Variants in PLEKHA7 observed in about 807,000 individuals in gnomAD.
PLEKHA7 encodes the protein pleckstrin homology domain containing A7, also known as pleckstrin homology domain-containing family A member 7.
A neutral mutation model predicts 170.0 loss-of-function variants in PLEKHA7; 104 were observed. The observed-to-expected ratio is 0.61, with a 90% confidence interval of 0.52 to 0.72. The LOEUF is 0.72. Among genes scored for constraint, PLEKHA7 ranks in the 30% least tolerant of loss-of-function variants. The probability of loss-of-function intolerance (pLI) is 0.00; values close to 1 mark genes in which losing one functional copy is unlikely to be tolerated. For synonymous variants in PLEKHA7, 648 were observed against 660.8 expected (o/e 0.98, Z 0.30); for missense variants, 1,615 against 1,671.7 (o/e 0.97, Z 0.59).
chr11:16,939,376 TG>T (rs1860524461), intron 3 of PLEKHA7, among the ~76,000 whole-genome samples: 2 of 152,038 alleles, frequency 1.3e-5, no homozygotes, highest in African/African-American at 4.8e-5. Flanking sequence ...ATCGTGCCAC[TG>T]CACTCCAGCC....
intron 4 of PLEKHA7, among the ~76,000 whole-genome samples, chr11:16,870,207 G>A (rs1026371936): frequency 2.0e-5 from 3 of 152,080 alleles, no homozygotes; most frequent in Admixed American, 2.0e-4. Flanking sequence ...GGGACGATGG[G>A]GATTACCAGC....
At chr11:16,806,475 A>G (rs76079015) in intron 13 of PLEKHA7, among the ~76,000 whole-genome samples, 1,564 of 152,300 alleles carry the variant, frequency 0.01, 19 homozygotes, top group African/African-American at 0.036. Context: ...TCTCCATCAG[A>G]GGGGAATCAA....
chr11:16,854,132 GATGA>G (rs927661808), intron 6 of PLEKHA7, among the ~76,000 whole-genome samples: 1 of 152,162 alleles, frequency 6.6e-6, no homozygotes, highest in Non-Finnish European at 1.5e-5. Context: ...TTGCAGAATG[GATGA>G]ATGAATGAAT....
intron 4 of PLEKHA7, among the ~76,000 whole-genome samples, chr11:16,865,810 C>T (rs529935094): frequency 1.2e-4 from 19 of 152,198 alleles, no homozygotes; most frequent in Admixed American, 1.1e-3. Context: ...TTAAGGGTAA[C>T]GATTAGTGCT....
At chr11:16,914,952 C>T (rs1224026031) in intron 3 of PLEKHA7, among the ~76,000 whole-genome samples, 5 of 152,136 alleles carry the variant, frequency 3.3e-5, no homozygotes, top group Non-Finnish European at 7.3e-5. Flanking sequence ...TGATGCAGGC[C>T]ACACCTCTCT....
intron 10 of PLEKHA7, among the ~76,000 whole-genome samples, chr11:16,818,174 G>A (rs577336104): frequency 1.3e-5 from 2 of 152,328 alleles, no homozygotes; most frequent in African/African-American, 4.8e-5. Flanking sequence ...TCTAACCTGG[G>A]TTTGAAGCCA....
chr11:16,864,147 C>T (rs913075436), intron 4 of PLEKHA7, among the ~76,000 whole-genome samples: 6 of 152,134 alleles, frequency 3.9e-5, no homozygotes, highest in Admixed American at 2.6e-4. Flanking sequence ...AGCATGGCAT[C>T]TAGGACCAGA....
intron 3 of PLEKHA7, among the ~76,000 whole-genome samples, chr11:16,906,898 G>A (rs1256420542): frequency 7.1e-5 from 10 of 141,470 alleles, no homozygotes; most frequent in Middle Eastern, 3.6e-3. Flanking sequence ...CTGCCACGCC[G>A]CCCATCGTCT....
At chr11:16,970,290 C>A (rs759771733) in intron 3 of PLEKHA7, among the ~76,000 whole-genome samples, 1 of 152,174 alleles carries the variant, frequency 6.6e-6, no homozygotes, top group Non-Finnish European at 1.5e-5. Context: ...CTTCTAGAAG[C>A]CTCAGCTTCC....
chr11:16,831,777 G>A (rs779576076), intron 9 of PLEKHA7, among the ~76,000 whole-genome samples: 2 of 152,196 alleles, frequency 1.3e-5, no homozygotes, highest in Admixed American at 6.5e-5. Context: ...GTCTCCTTGG[G>A]TTGTTGTGAG....
At chr11:16,785,806 A>G (rs2134156418) in intron 24 of PLEKHA7, among the ~76,000 whole-genome samples, 1 of 152,248 alleles carries the variant, frequency 6.6e-6, no homozygotes, top group South Asian at 2.1e-4. Flanking sequence ...ATTTTCCCCT[A>G]GTCAGACTGC....
At chr11:16,847,735 G>A (rs1374377540) in intron 8 of PLEKHA7, among the ~76,000 whole-genome samples, 19 of 151,672 alleles carry the variant, frequency 1.3e-4, no homozygotes, top group Non-Finnish European at 2.8e-4. Flanking sequence ...CCAGCCACTC[G>A]GAAGGCTAAG....
Position 16,826,458 on chromosome 11 carries a change from G to A in PLEKHA7, c.1005C>T (p.Phe335=), listed in dbSNP as rs148965055. The stretch of plus-strand genomic sequence containing the variant: ...GCTCTCCCTCCTGCTCCTGCCTCTC[G>A]AAGTTGACAATGTCATCATGGCCAC... ...PHRGHDDIVN[F]ERQEQEGEQY... Residue 335 remains phenylalanine, a synonymous_variant, in exon 10 of 27, where the codon TTC becomes TTT. Transcript: ENST00000531066. The A allele has an allele frequency of 1.4e-5, 22 of 1,614,060 alleles. No individual in the cohort carries two copies. Among genetic ancestry groups the A allele is most frequent in the African/African-American group, 9.3e-5 (7 of 74,908 alleles).
intron 3 of PLEKHA7, among the ~76,000 whole-genome samples, chr11:16,949,779 A>G (rs1409614577): frequency 6.6e-6 from 1 of 152,152 alleles, no homozygotes; most frequent in Non-Finnish European, 1.5e-5. Flanking sequence ...CGATACAGAA[A>G]GTAACAAATG....
intron 3 of PLEKHA7, among the ~76,000 whole-genome samples, chr11:16,897,729 A>G (rs1025594772): frequency 6.6e-6 from 1 of 152,136 alleles, no homozygotes; most frequent in Non-Finnish European, 1.5e-5. Context: ...CAGGAACACA[A>G]AGCAATTAGA....
chr11:16,855,075 GCT>G lies in PLEKHA7; in HGVS notation c.418-84_418-83del. On this transcript the variant is annotated intron_variant, in intron 5 of 26. Coordinates refer to ENST00000531066, the MANE Select transcript of PLEKHA7 (RefSeq NM_001329630.2). ...CACTTGTATGTTAGGAGGACCGTCGGCTCTCTCTGCCTCACTCTAAATGGCAG... is the reference window on the plus strand; with the variant it reads ...CACTTGTATGTTAGGAGGACCGTCGGCTCTCTGCCTCACTCTAAATGGCAG... The G allele has an allele frequency of 8.0e-6, 9 of 1,131,230 alleles. No individual in the cohort carries two copies. The South Asian group carries it at 8.9e-5, about 11-fold the overall frequency. The allele number at this position is 1,131,230 out of a possible 1,614,324, so 70.1% of individuals were successfully genotyped here.
chr11:16,795,040 G>C, intron 17 of PLEKHA7, 22 bp from the exon 18 acceptor site: 2 of 1,547,114 alleles, frequency 1.3e-6, no homozygotes, highest in Non-Finnish European at 1.8e-6. Context: ...GAAGTGGTGG[G>C]TTTGCCTTCT....
intron 23 of PLEKHA7, 82 bp from the exon 24 acceptor site, chr11:16,786,469 C>A: frequency 6.6e-7 from 1 of 1,520,706 alleles, no homozygotes; most frequent in South Asian, 1.2e-5. Context: ...CCATGGGGTC[C>A]TTTGGAAGAT....
chr11:17,006,327 T>TA (rs751822590), intron 3 of PLEKHA7, among the ~76,000 whole-genome samples: 313 of 84,810 alleles, frequency 3.7e-3, no homozygotes, highest in Middle Eastern at 0.028. Flanking sequence ...AAACTCCATC[T>TA]AAAAAAAAAA....
Sources: allele counts gnomAD v4.1 joint callset (sites outside exome capture counted in the v4.1 genomes callset), GRCh38; gene constraint gnomAD v4.1.1; transcripts MANE v1.5; gene names NCBI Gene and HGNC (gene_info 2026-07-23, HGNC 2026-07-21).